RIC3: variants seen among roughly 807,000 people sequenced by gnomAD.
RIC3 encodes the protein protein RIC-3.
RIC3 carries 28 observed loss-of-function variants against 27.3 expected under a neutral mutation model. That is an observed-to-expected ratio of 1.02 (90% CI 0.76 to 1.41). The LOEUF is 1.41. RIC3 is among the 40% of genes most tolerant of loss of function. The pLI, the probability that RIC3 is intolerant of heterozygous loss-of-function variation, is 0.00. For missense variants in RIC3, 501 were observed against 444.7 expected (o/e 1.13, Z -1.14); for synonymous variants, 184 against 160.4 (o/e 1.15, Z -1.11).
the RIC3 span, chr11:8,101,032 A>G: frequency 6.2e-7 from 1 of 1,612,350 alleles, no homozygotes; most frequent in East Asian, 2.2e-5. Context: ...TATGGTCCGT[A>G]GGATACCCAA....
At position 8,107,477 on chromosome 11, in the gene RIC3, G is replaced by A. The variant is rs778215187; in HGVS notation, c.*3221C>T. The A allele has an allele frequency of 4.6e-5, 7 of 152,308 alleles. No individual in the cohort carries two copies. In the East Asian group the frequency reaches 5.8e-4, roughly 13 times the overall value. The allele number at this position is 152,308 out of a possible 1,614,324, so 9.4% of individuals were successfully genotyped here. A position where few individuals can be genotyped will look rare whatever the true frequency, so the allele number is the denominator to read the frequency against. On this transcript the variant is annotated 3_prime_UTR_variant, in exon 6 of 6. Coordinates refer to ENST00000309737, the MANE Select transcript of RIC3 (RefSeq NM_001206671.4). ...TGGCTATAGACAGGGGTGACCCTAC[G>A]TCCAGGACAGTCTTAGTTTATGCCT...
At chr11:8,098,928 G>T in the RIC3 span, 7 of 1,323,196 alleles carry the variant, frequency 5.3e-6, no homozygotes, top group African/African-American at 1.0e-4. Context: ...TGAAATCCAG[G>T]ACTTGATGCC....
At chr11:8,149,666 C>T (rs1049184128) in intron 1 of RIC3, among the ~76,000 whole-genome samples, 13 of 152,174 alleles carry the variant, frequency 8.5e-5, no homozygotes, top group African/African-American at 3.1e-4. Flanking sequence ...AAATTCTAAG[C>T]CCACCAACTG....
intron 4 of RIC3, among the ~76,000 whole-genome samples, chr11:8,129,348 G>A (rs1947397037): frequency 6.6e-6 from 1 of 151,974 alleles, no homozygotes; most frequent in Admixed American, 6.6e-5. Flanking sequence ...CAGTATTACA[G>A]ATTAGACCAT....
In RIC3 at chr11:8,138,246, T is replaced by G. The variant is rs545919196; in HGVS notation, c.427+26A>C. On this transcript the variant is annotated intron_variant, in intron 3 of 5. Transcript: ENST00000309737. The stretch of plus-strand genomic sequence containing the variant: ...AAACTGTTTGACTCAATAATACCTG[T>G]GAATATACTGAGAAGGGGCACTTAC... 435 of 1,512,830 alleles carry G rather than the reference T, an allele frequency of 2.9e-4. 4 individuals are homozygous for G. The South Asian group carries it at 4.7e-3, about 16-fold the overall frequency. 93.7% of individuals were successfully genotyped at this position (1,512,830 alleles called of 1,614,324 possible).
At chr11:8,163,675 A>G (rs916477673) in intron 1 of RIC3, among the ~76,000 whole-genome samples, 1 of 152,072 alleles carries the variant, frequency 6.6e-6, no homozygotes, top group Admixed American at 6.6e-5. Context: ...AAAAACTACA[A>G]TCTCCTTTAA....
intron 2 of RIC3, chr11:8,138,646 T>C (rs1456638604): frequency 5.6e-6 from 2 of 360,208 alleles, no homozygotes; most frequent in Non-Finnish European, 9.9e-6. Flanking sequence ...TTCAAGAACC[T>C]GTGCTAACAT....
At chr11:8,097,931 G>A in the RIC3 span, 1 of 826,414 alleles carries the variant, frequency 1.2e-6, no homozygotes, top group Non-Finnish European at 2.0e-6. Context: ...GGCCAGGGAT[G>A]GATACTCTCC....
At chr11:8,151,902 G>T (rs1334259350) in intron 1 of RIC3, among the ~76,000 whole-genome samples, 1 of 149,108 alleles carries the variant, frequency 6.7e-6, no homozygotes, top group African/African-American at 2.5e-5. Flanking sequence ...GGGGACAGAA[G>T]TGAGACTCGG....
chr11:8,148,997 G>A (rs920572427), intron 1 of RIC3, among the ~76,000 whole-genome samples: 3 of 146,570 alleles, frequency 2.0e-5, no homozygotes, highest in East Asian at 2.0e-4. Flanking sequence ...TGGCTAACAC[G>A]GTGACACCCT....
In RIC3 at chr11:8,110,353, ACTAT is replaced by A. The variant is rs1590050705; in HGVS notation, c.*341_*344del. ...TAAGCTGATGTTCGTTCACAGGTGA[ACTAT>A]CTGTTACACCTACCAGGAAGAGTCA... On this transcript the variant is annotated 3_prime_UTR_variant, in exon 6 of 6. Coordinates refer to ENST00000309737, the MANE Select transcript of RIC3 (RefSeq NM_001206671.4). 1 of 390,000 alleles carries A rather than the reference ACTAT, an allele frequency of 2.6e-6. No individual in the cohort carries two copies. The highest frequency in any genetic ancestry group is 6.0e-5 in the East Asian group (1 of 16,536). 24.2% of individuals were successfully genotyped at this position (390,000 alleles called of 1,614,324 possible). A position where few individuals can be genotyped will look rare whatever the true frequency, so the allele number is the denominator to read the frequency against.
the RIC3 span, chr11:8,095,603 C>CGGCA: frequency 5.0e-6 from 8 of 1,612,638 alleles, no homozygotes; most frequent in Non-Finnish European, 6.8e-6. Flanking sequence ...GCAGGGGAGA[C>CGGCA]GGCAGCTGGT....
At chr11:8,124,265 C>A (rs1946777770) in intron 5 of RIC3, among the ~76,000 whole-genome samples, 1 of 152,106 alleles carries the variant, frequency 6.6e-6, no homozygotes, top group African/African-American at 2.4e-5. Context: ...TTTTATGAGG[C>A]CAGGATTACC....
chr11:8,099,615 G>A, the RIC3 span, among the ~76,000 whole-genome samples: 11 of 152,148 alleles, frequency 7.2e-5, no homozygotes, highest in African/African-American at 2.2e-4. Context: ...TACCTTTATG[G>A]GACTTAAAGC....
At chr11:8,118,091 C>T (rs369907826) in intron 5 of RIC3, among the ~76,000 whole-genome samples, 91 of 151,868 alleles carry the variant, frequency 6.0e-4, no homozygotes, top group Non-Finnish European at 1.6e-4. Flanking sequence ...GGCGTGGTGG[C>T]AGGCGCCTGT....
In RIC3 at chr11:8,139,991, T is replaced by TA. The variant is rs746684945; in HGVS notation, c.326dup (p.Leu109PhefsTer9). ...CCTTAAATAGAATGTACAGTATATA[T>TA]AAAAAAATCCCAAAACCGTAGATTG... On this transcript the variant is annotated frameshift_variant, in exon 2 of 6. Transcript: ENST00000309737. LOFTEE classifies it high-confidence loss of function. 43 of 1,613,878 alleles carry TA rather than the reference T, an allele frequency of 2.7e-5. No homozygotes were observed. Among genetic ancestry groups the TA allele is most frequent in the Non-Finnish European group, 3.1e-5 (37 of 1,179,980 alleles).
chr11:8,101,122 T>C, downstream of RIC3: 2 of 1,192,640 alleles, frequency 1.7e-6, no homozygotes, highest in East Asian at 4.8e-5. Flanking sequence ...ACAGCTAAGG[T>C]TAGATGTATG....
At chr11:8,094,302 A>G in the RIC3 span, 1 of 1,360,728 alleles carries the variant, frequency 7.3e-7, no homozygotes, top group African/African-American at 1.5e-5. Context: ...AGCCTCAGGG[A>G]AGACACAGAC....
At chr11:8,160,516 C>G (rs1197383232) in intron 1 of RIC3, among the ~76,000 whole-genome samples, 1 of 152,094 alleles carries the variant, frequency 6.6e-6, no homozygotes, top group African/African-American at 2.4e-5. Flanking sequence ...ACAAGGAAAA[C>G]TACAAATTCC....
Sources: gnomAD v4.1 joint callset for allele counts (sites outside exome capture counted in the v4.1 genomes callset) on GRCh38, gnomAD v4.1.1 for gene constraint, MANE v1.5 for transcripts, NCBI Gene and HGNC (gene_info 2026-07-23, HGNC 2026-07-21) for gene names.